KLF12: variants seen among roughly 807,000 people sequenced by gnomAD.
KLF12 encodes the protein KLF transcription factor 12, also known as Krueppel-like factor 12.
KLF12 carries 9 observed loss-of-function variants against 37.8 expected under a neutral mutation model. That is an observed-to-expected ratio of 0.24 (90% CI 0.14 to 0.42). The LOEUF is 0.42. Among genes scored for constraint, KLF12 ranks in the 10% least tolerant of loss-of-function variants. The probability of loss-of-function intolerance (pLI) is 1.00; values close to 1 mark genes in which losing one functional copy is unlikely to be tolerated. For missense variants in KLF12, 411 were observed against 516.0 expected, an observed-to-expected ratio of 0.80 and a Z score of 1.97; for synonymous variants, 208 against 202.1, an observed-to-expected ratio of 1.03 and a Z score of -0.25.
chr13:74,112,555 G>GC (rs1348955422), intron 1 of KLF12, among the ~76,000 whole-genome samples: 3 of 151,998 alleles, frequency 2.0e-5, no homozygotes, highest in Non-Finnish European at 4.4e-5. Flanking sequence ...TTCTATTATT[G>GC]CATCTGTATT....
intron 1 of KLF12, among the ~76,000 whole-genome samples, chr13:74,099,287 A>G (rs147453681): frequency 9.2e-5 from 14 of 152,266 alleles, no homozygotes; most frequent in African/African-American, 3.4e-4. Flanking sequence ...TTGAGGCTGC[A>G]GTGAGCTAAG....
At chr13:74,170,353 A>G in the KLF12 span, among the ~76,000 whole-genome samples, 1 of 152,232 alleles carries the variant, frequency 6.6e-6, no homozygotes, top group Non-Finnish European at 1.5e-5. Flanking sequence ...TACAATTTAT[A>G]AAGGCTTTTA....
At chr13:74,077,258 C>T (rs1368621450) in intron 1 of KLF12, among the ~76,000 whole-genome samples, 2 of 152,144 alleles carry the variant, frequency 1.3e-5, no homozygotes, top group African/African-American at 4.8e-5. Flanking sequence ...ATTTACACTC[C>T]CACCAACAAG....
At chr13:74,042,052 C>A (rs1893418741) in intron 1 of KLF12, among the ~76,000 whole-genome samples, 1 of 151,918 alleles carries the variant, frequency 6.6e-6, no homozygotes, top group African/African-American at 2.4e-5. Flanking sequence ...GCCTGTAATC[C>A]CAGCACTTTA....
chr13:73,983,033 A>G (rs879358062), intron 2 of KLF12, among the ~76,000 whole-genome samples: 1 of 151,866 alleles, frequency 6.6e-6, no homozygotes, highest in Non-Finnish European at 1.5e-5. Context: ...CTCACATTTC[A>G]TTCATCCTCT....
intron 3 of KLF12, among the ~76,000 whole-genome samples, chr13:73,883,296 T>C (rs781002600): frequency 6.6e-6 from 1 of 152,190 alleles, no homozygotes; most frequent in Non-Finnish European, 1.5e-5. Flanking sequence ...CTCACAAGTT[T>C]CTCTTTGTTG....
upstream of KLF12, among the ~76,000 whole-genome samples, chr13:74,138,636 C>A (rs1219891056): frequency 1.3e-5 from 2 of 152,180 alleles, no homozygotes; most frequent in Non-Finnish European, 2.9e-5. Flanking sequence ...TAAATATCTT[C>A]ATCACATCTT....
intron 1 of KLF12, among the ~76,000 whole-genome samples, chr13:74,006,478 T>C (rs1026178407): frequency 2.0e-5 from 3 of 152,222 alleles, no homozygotes; most frequent in African/African-American, 7.2e-5. Flanking sequence ...TCTCTACTTT[T>C]TGTCCACATA....
rs138771255 is a variant in KLF12, at chr13:74,009,966, T to C, written c.-31-14913A>G. ...ACTTTTATTTGCTTTTACTTTTATT[T>C]TGAGACAGGGTCTCACTCTATCACC... On this transcript the variant is annotated intron_variant, in intron 1 of 7. Transcript: ENST00000377669. 7.2e-5 allele frequency among the ~76,000 whole-genome samples: 11 copies of C among 152,318 alleles called. No individual in the cohort carries two copies. In the East Asian group the frequency reaches 2.1e-3, roughly 29 times the overall value.
chr13:73,822,751 T>C (rs145207893), intron 4 of KLF12, among the ~76,000 whole-genome samples: 28 of 152,292 alleles, frequency 1.8e-4, no homozygotes, highest in Non-Finnish European at 2.6e-4. Flanking sequence ...AAAAGGCTTT[T>C]GTGATTTCTA....
intron 1 of KLF12, among the ~76,000 whole-genome samples, chr13:73,996,151 T>C (rs1892113032): frequency 6.6e-6 from 1 of 152,216 alleles, no homozygotes; most frequent in Non-Finnish European, 1.5e-5. Context: ...GTTTTAAATA[T>C]ATATGTCTCT....
intron 1 of KLF12, among the ~76,000 whole-genome samples, chr13:74,030,437 C>T (rs192750703): frequency 2.6e-5 from 4 of 152,172 alleles, no homozygotes; most frequent in African/African-American, 7.2e-5. Context: ...GGTCATTAGA[C>T]ATCAACTTCT....
At position 73,743,506 on chromosome 13, in the gene KLF12, T is replaced by C. The variant is rs147037453; in HGVS notation, c.869+21432A>G. Reference sequence around the variant, plus strand: ...AATATGGCTTTGCCTTAAGACTTACTATACAATTACATAACAAGTTGAATG... The same window carrying C: ...AATATGGCTTTGCCTTAAGACTTACCATACAATTACATAACAAGTTGAATG... On this transcript the variant is annotated intron_variant, in intron 6 of 7. Coordinates refer to ENST00000377669, the MANE Select transcript of KLF12 (RefSeq NM_007249.5). Among the ~76,000 whole-genome samples the C allele has an allele frequency of 1.4e-3, 213 of 152,310 alleles. 1 individual carries two copies. The highest frequency in any genetic ancestry group is 4.3e-3 in the African/African-American group (179 of 41,570).
Position 74,042,746 on chromosome 13 carries a change from T to C in KLF12, c.-31-47693A>G, listed in dbSNP as rs547507526. Among the ~76,000 whole-genome samples, 188 of 152,332 alleles carry C rather than the reference T, an allele frequency of 1.2e-3. 1 individual carries two copies. Among genetic ancestry groups the C allele is most frequent in the African/African-American group, 4.2e-3 (173 of 41,576 alleles). On this transcript the variant is annotated intron_variant, in intron 1 of 7. Transcript: ENST00000377669. ...AATATGAAATATTAAATATTTGCAA[T>C]GTGTCATTCAATCAGACAGATAAGA...
intron 1 of KLF12, among the ~76,000 whole-genome samples, chr13:74,048,731 T>C (rs1028984879): frequency 1.3e-5 from 2 of 152,112 alleles, no homozygotes; most frequent in Non-Finnish European, 2.9e-5. Context: ...ATATGACTTC[T>C]GAGTAAAGAA....
chr13:74,096,759 T>A (rs1159299885), intron 1 of KLF12, among the ~76,000 whole-genome samples: 1 of 152,184 alleles, frequency 6.6e-6, no homozygotes, highest in East Asian at 1.9e-4. Flanking sequence ...CACAATGAAA[T>A]GAGAAGGGAG....
At chr13:73,883,378 T>C (rs1887071680) in intron 3 of KLF12, among the ~76,000 whole-genome samples, 1 of 152,172 alleles carries the variant, frequency 6.6e-6, no homozygotes, top group Non-Finnish European at 1.5e-5. Flanking sequence ...TAAATTTAAA[T>C]GTCCTTGCCA....
chr13:74,149,091 G>A, the KLF12 span, among the ~76,000 whole-genome samples: 1 of 152,060 alleles, frequency 6.6e-6, no homozygotes, highest in African/African-American at 2.4e-5. Context: ...GTGGGATTAC[G>A]GGCACAAGCC....
chr13:74,007,306 C>T (rs879748850), intron 1 of KLF12, among the ~76,000 whole-genome samples: 1 of 149,966 alleles, frequency 6.7e-6, no homozygotes, highest in Non-Finnish European at 1.5e-5. Flanking sequence ...GAGATGGAGT[C>T]TCGCTGCCTC....
Sources: gnomAD v4.1 joint callset for allele counts (sites outside exome capture counted in the v4.1 genomes callset) on GRCh38, gnomAD v4.1.1 for gene constraint, MANE v1.5 for transcripts, NCBI Gene and HGNC (gene_info 2026-07-23, HGNC 2026-07-21) for gene names.